The following CPB2 variants were observed in gnomAD, a reference collection of about 807,000 sequenced individuals.
CPB2 encodes carboxypeptidase B2, also known as carboxypeptidase B-like protein.
Under a neutral mutation model 57.0 loss-of-function variants are expected in CPB2, and 54 were observed. The observed-to-expected ratio is 0.95, with a 90% CI of 0.76 to 1.19. The LOEUF (loss-of-function observed/expected upper bound fraction) is 1.19, where lower values mean the gene tolerates loss of function less well. Ranked by LOEUF, CPB2 falls within the 50% of genes most tolerant of loss-of-function variation. The pLI, the probability that CPB2 is intolerant of heterozygous loss-of-function variation, is 0.00. For missense variants in CPB2, 426 were observed against 512.0 expected, an observed-to-expected ratio of 0.83 and a Z score of 1.62; for synonymous variants, 189 against 178.1, an observed-to-expected ratio of 1.06 and a Z score of -0.49.
chr13:46,103,909 A>G (rs1391666243), intron 1 of CPB2, among the ~76,000 whole-genome samples: 1 of 152,222 alleles, frequency 6.6e-6, no homozygotes, highest in Non-Finnish European at 1.5e-5. Context: ...CTTGACCCCC[A>G]CGTCAATTAA....
intron 6 of CPB2, among the ~76,000 whole-genome samples, chr13:46,073,036 A>T (rs1368760275): frequency 6.6e-6 from 1 of 152,220 alleles, no homozygotes; most frequent in African/African-American, 2.4e-5. Context: ...ACAGTGAATG[A>T]AGGCAAATAG....
intron 9 of CPB2, among the ~76,000 whole-genome samples, chr13:46,057,723 C>G (rs369908615): frequency 5.9e-5 from 9 of 152,116 alleles, no homozygotes; most frequent in African/African-American, 2.2e-4. Flanking sequence ...GGACCAAAAC[C>G]CTGAGGGTTA....
chr13:46,063,951 T>A (rs894267620), intron 8 of CPB2, among the ~76,000 whole-genome samples: 5 of 151,992 alleles, frequency 3.3e-5, no homozygotes, highest in African/African-American at 1.2e-4. Context: ...AGTAAACATT[T>A]ACTTGTGCAA....
At chr13:46,103,656 A>G (rs2045462442) in intron 1 of CPB2, among the ~76,000 whole-genome samples, 1 of 152,232 alleles carries the variant, frequency 6.6e-6, no homozygotes, top group Admixed American at 6.5e-5. Flanking sequence ...CCTGGCACAA[A>G]CACAGGCACT....
intron 6 of CPB2, among the ~76,000 whole-genome samples, chr13:46,071,602 C>T (rs780260873): frequency 2.0e-5 from 3 of 152,054 alleles, no homozygotes; most frequent in Admixed American, 6.5e-5. Context: ...AATCATGAAC[C>T]GGGTACCAGG....
At chr13:46,069,690 G>A (rs1228062590) in intron 6 of CPB2, among the ~76,000 whole-genome samples, 1 of 152,092 alleles carries the variant, frequency 6.6e-6, no homozygotes, top group Non-Finnish European at 1.5e-5. Context: ...CCTTTTGATT[G>A]CTGATTGATG....
At chr13:46,063,060 T>C (rs945901714) in intron 8 of CPB2, among the ~76,000 whole-genome samples, 1 of 152,204 alleles carries the variant, frequency 6.6e-6, no homozygotes, top group Admixed American at 6.5e-5. Context: ...GCATACTCCT[T>C]GTCAGGTTAG....
intron 6 of CPB2, chr13:46,073,499 A>G: frequency 1.0e-6 from 1 of 982,392 alleles, no homozygotes; most frequent in Non-Finnish European, 1.2e-6. Context: ...GTGGCAAAAG[A>G]TGTCTGGATA....
chr13:46,095,876 CTTT>C (rs34686626), intron 1 of CPB2, among the ~76,000 whole-genome samples: 1 of 85,742 alleles, frequency 1.2e-5, no homozygotes, highest in Non-Finnish European at 2.2e-5. Flanking sequence ...GGCTATAGGA[CTTT>C]TTTTTTTTTT....
At chr13:46,082,173 T>C (rs991448531) in intron 4 of CPB2, among the ~76,000 whole-genome samples, 1 of 152,208 alleles carries the variant, frequency 6.6e-6, no homozygotes, top group Admixed American at 6.5e-5. Flanking sequence ...TTAATTTCTG[T>C]TGTTCCATAG....
chr13:46,053,864 GTTTGA>G, intron 10 of CPB2, 66 bp from the exon 11 acceptor site: 1 of 1,475,182 alleles, frequency 6.8e-7, no homozygotes, highest in South Asian at 1.2e-5. Context: ...ACTGGGAATT[GTTTGA>G]TTTAAATGTT....
At chr13:46,060,575 A>C (rs528805700) in intron 8 of CPB2, among the ~76,000 whole-genome samples, 3 of 152,280 alleles carry the variant, frequency 2.0e-5, no homozygotes, top group Non-Finnish European at 4.4e-5. Context: ...TTATTCTTGA[A>C]ATATTTTATG....
chr13:46,066,772 G>A (rs1379597069), intron 7 of CPB2, among the ~76,000 whole-genome samples: 1 of 150,764 alleles, frequency 6.6e-6, no homozygotes, highest in Non-Finnish European at 1.5e-5. Flanking sequence ...TTGAACCCGG[G>A]AGGTGGAGGT....
chr13:46,094,137 A>G (rs1165013556), intron 1 of CPB2, among the ~76,000 whole-genome samples: 1 of 152,172 alleles, frequency 6.6e-6, no homozygotes, highest in African/African-American at 2.4e-5. Context: ...ATTTTCATAA[A>G]CAGAATGTTC....
chr13:46,088,789 A>T (rs2045248155), intron 1 of CPB2, among the ~76,000 whole-genome samples: 1 of 152,142 alleles, frequency 6.6e-6, no homozygotes, highest in Non-Finnish European at 1.5e-5. Flanking sequence ...ATTATCGGCC[A>T]TTCATATTTT....
intron 2 of CPB2, among the ~76,000 whole-genome samples, chr13:46,086,840 G>C (rs892066637): frequency 2.6e-5 from 4 of 152,220 alleles, no homozygotes; most frequent in African/African-American, 4.8e-5. Context: ...TCCAGAGGGG[G>C]CTGAGGCAGC....
intron 1 of CPB2, among the ~76,000 whole-genome samples, chr13:46,091,644 T>C (rs2045294423): frequency 6.6e-6 from 1 of 152,356 alleles, no homozygotes; most frequent in Non-Finnish European, 1.5e-5. Flanking sequence ...ATCAATAGAT[T>C]GTTTAAAAAG....
chr13:46,103,824 A>G (rs1227691378), intron 1 of CPB2, among the ~76,000 whole-genome samples: 2 of 152,206 alleles, frequency 1.3e-5, no homozygotes, highest in Non-Finnish European at 2.9e-5. Context: ...ACTAGCAAGA[A>G]CCTTAGAAAT....
Position 46,084,201 on chromosome 13 carries a change from G to T in CPB2, c.275+18C>A. 6.2e-7 allele frequency: 1 copy of T among 1,613,574 alleles called. No homozygotes were observed. Among genetic ancestry groups the T allele is most frequent in the Non-Finnish European group, 8.5e-7 (1 of 1,179,656 alleles). Reference sequence around the variant, plus strand: ...AGTGTTTATAATAACTACTCAATACGTATTGAACGGTGCCTACCTGCATGG... The same window carrying T: ...AGTGTTTATAATAACTACTCAATACTTATTGAACGGTGCCTACCTGCATGG... On this transcript the variant is annotated intron_variant, in intron 3 of 10. Transcript: ENST00000181383.
Sources: allele counts gnomAD v4.1 joint callset (sites outside exome capture counted in the v4.1 genomes callset), GRCh38; gene constraint gnomAD v4.1.1; transcripts MANE v1.5; gene names NCBI Gene and HGNC (gene_info 2026-07-23, HGNC 2026-07-21).